The following SPPL3 variants were observed in gnomAD, a reference collection of about 807,000 sequenced individuals.
SPPL3 encodes signal peptide peptidase like 3.
Under a neutral mutation model 42.4 loss-of-function variants are expected in SPPL3, and 5 were observed. The ratio of observed to expected loss-of-function variants is 0.12; its 90% CI spans 0.06 to 0.25. The LOEUF is 0.25. Among genes scored for constraint, SPPL3 ranks in the 10% least tolerant of loss-of-function variants. The probability of loss-of-function intolerance (pLI) is 1.00; values close to 1 mark genes in which losing one functional copy is unlikely to be tolerated. For synonymous variants in SPPL3, 195 were observed against 181.8 expected (o/e 1.07, Z -0.58); for missense variants, 235 against 489.0 (o/e 0.48, Z 4.90).
At chr12:120,864,302 A>C (rs1055355364) in intron 1 of SPPL3, among the ~76,000 whole-genome samples, 1 of 152,214 alleles carries the variant, frequency 6.6e-6, no homozygotes, top group Non-Finnish European at 1.5e-5. Flanking sequence ...TGGGAGGCCG[A>C]GCTAGGTGGA....
Position 120,842,783 on chromosome 12 carries a change from G to A in SPPL3, c.24-31897C>T, listed in dbSNP as rs545312273. On this transcript the variant is annotated intron_variant, in intron 1 of 10. Coordinates refer to ENST00000353487, the MANE Select transcript of SPPL3 (RefSeq NM_139015.5). ...CCCCATCTCTTACACCACCACACTG[G>A]AGATTAGGTTTCAACATAGGAATTG... Among the ~76,000 whole-genome samples, 93 of 152,158 alleles carry A rather than the reference G, an allele frequency of 6.1e-4. 1 individual carries two copies. The highest frequency in any genetic ancestry group is 2.6e-4 in the Admixed American group (4 of 15,278).
chr12:120,764,069 T>A lies in SPPL3; in HGVS notation c.*930A>T, dbSNP rs899655369. 6.6e-6 allele frequency: 1 copy of A among 152,588 alleles called. No homozygotes were observed. Among genetic ancestry groups the A allele is most frequent in the Non-Finnish European group, 1.5e-5 (1 of 68,054 alleles). The allele number at this position is 152,588 out of a possible 1,614,324, so 9.5% of individuals were successfully genotyped here. A position where few individuals can be genotyped will look rare whatever the true frequency, so the allele number is the denominator to read the frequency against. ...AGGTTTGAACTCTTCATCCCTAATT[T>A]GCTACACTGATCAAAACCAAGTAAG... On this transcript the variant is annotated 3_prime_UTR_variant, in exon 11 of 11. Coordinates refer to ENST00000353487, the MANE Select transcript of SPPL3 (RefSeq NM_139015.5).
At chr12:120,881,744 C>G (rs908874202) in intron 1 of SPPL3, among the ~76,000 whole-genome samples, 3 of 150,426 alleles carry the variant, frequency 2.0e-5, no homozygotes, top group Non-Finnish European at 4.4e-5. Context: ...AATTCTGACA[C>G]ACGCTAAATA....
chr12:120,840,887 C>G (rs1265147852), intron 1 of SPPL3, among the ~76,000 whole-genome samples: 1 of 151,872 alleles, frequency 6.6e-6, no homozygotes, highest in African/African-American at 2.4e-5. Context: ...TTGCAGTGAG[C>G]CAAGATTGTG....
chr12:120,824,030 C>T (rs1871162366), intron 1 of SPPL3, among the ~76,000 whole-genome samples: 1 of 151,996 alleles, frequency 6.6e-6, no homozygotes. Flanking sequence ...GCCACCAAGC[C>T]CAGCTAATTT....
At chr12:120,774,276 CCTCT>C (rs1479362371) in intron 6 of SPPL3, among the ~76,000 whole-genome samples, 1 of 152,166 alleles carries the variant, frequency 6.6e-6, no homozygotes, top group Non-Finnish European at 1.5e-5. Context: ...TCCCTCCCTC[CCTCT>C]TACTCTTTCC....
chr12:120,881,668 GAACA>G (rs1873290067), intron 1 of SPPL3, among the ~76,000 whole-genome samples: 1 of 151,082 alleles, frequency 6.6e-6, no homozygotes, highest in Non-Finnish European at 1.5e-5. Flanking sequence ...ATCAACAAAT[GAACA>G]GATACACAAA....
In SPPL3 at chr12:120,769,063, G is replaced by T; in HGVS notation, c.503-4C>A. ...ACACAGAGGCCCATGGCCAGTGCTG[G>T]GGAGGAGACAGGGTACAGCAGACAG... On this transcript the variant is annotated splice_polypyrimidine_tract_variant and splice_region_variant and intron_variant, in intron 6 of 10. Transcript: ENST00000353487. 1 of 1,601,432 alleles carries T rather than the reference G, an allele frequency of 6.2e-7. No homozygotes were observed. The highest frequency in any genetic ancestry group is 1.1e-5 in the South Asian group (1 of 88,234).
intron 1 of SPPL3, among the ~76,000 whole-genome samples, chr12:120,821,225 A>G (rs1871057487): frequency 6.6e-6 from 1 of 152,242 alleles, no homozygotes; most frequent in South Asian, 2.1e-4. Context: ...TGAAACAGAA[A>G]GAAGACCCCA....
At chr12:120,876,450 A>C (rs904389967) in intron 1 of SPPL3, among the ~76,000 whole-genome samples, 2 of 149,344 alleles carry the variant, frequency 1.3e-5, no homozygotes, top group African/African-American at 4.9e-5. Flanking sequence ...CGTCTCTACT[A>C]AAAAAAAATA....
At chr12:120,899,841 G>A (rs1046213662) in intron 1 of SPPL3, among the ~76,000 whole-genome samples, 5 of 138,356 alleles carry the variant, frequency 3.6e-5, no homozygotes, top group South Asian at 2.2e-4. Context: ...TGCTGTGAGC[G>A]GAGATCATGC....
intron 2 of SPPL3, among the ~76,000 whole-genome samples, chr12:120,809,084 G>A (rs1220277012): frequency 6.6e-6 from 1 of 152,178 alleles, no homozygotes; most frequent in Non-Finnish European, 1.5e-5. Flanking sequence ...AGTGGCTCAC[G>A]CCTGTAATCC....
At chr12:120,776,497 C>T (rs561861112) in intron 6 of SPPL3, among the ~76,000 whole-genome samples, 6 of 152,138 alleles carry the variant, frequency 3.9e-5, no homozygotes, top group African/African-American at 1.2e-4. Flanking sequence ...AGAAGTACAA[C>T]GAATAAAATT....
chr12:120,891,193 A>G (rs115857639), intron 1 of SPPL3, among the ~76,000 whole-genome samples: 1 of 152,182 alleles, frequency 6.6e-6, no homozygotes, highest in African/African-American at 2.4e-5. Context: ...ACATCTGCCC[A>G]TGGTTTTATA....
chr12:120,784,428 T>A, intron 4 of SPPL3, 46 bp downstream of exon 4: 3 of 1,505,320 alleles, frequency 2.0e-6, no homozygotes, highest in African/African-American at 1.4e-5. Context: ...AGGTGAAAAA[T>A]TTTCCTTTTA....
rs187226412 is a variant in SPPL3 at position 120,871,008 on chromosome 12, T to C, written c.23+32837A>G. Among the ~76,000 whole-genome samples the C allele has an allele frequency of 1.7e-3, 259 of 151,374 alleles. 1 individual carries two copies. Among genetic ancestry groups the C allele is most frequent in the African/African-American group, 6.1e-3 (251 of 41,260 alleles). ...AGCCGGGCATGGCGCCAGGCACCTATAGTCCCAGTTATTCGGGAGGCTGAG... is the reference window on the plus strand; with the variant it reads ...AGCCGGGCATGGCGCCAGGCACCTACAGTCCCAGTTATTCGGGAGGCTGAG... On this transcript the variant is annotated intron_variant, in intron 1 of 10. Transcript: ENST00000353487.
chr12:120,811,902 A>G (rs1870693638), intron 1 of SPPL3, among the ~76,000 whole-genome samples: 2 of 152,150 alleles, frequency 1.3e-5, no homozygotes, highest in Non-Finnish European at 2.9e-5. Context: ...TACAAAAGAG[A>G]GAAAGAGAAG....
chr12:120,782,206 T>G (rs1478303134), intron 6 of SPPL3, among the ~76,000 whole-genome samples: 1 of 152,176 alleles, frequency 6.6e-6, no homozygotes, highest in Non-Finnish European at 1.5e-5. Context: ...GCACAAAAAC[T>G]TGTACATTAA....
chr12:120,874,413 A>C (rs56272923), intron 1 of SPPL3, among the ~76,000 whole-genome samples: 1,646 of 147,798 alleles, frequency 0.011, 9 homozygotes, highest in Non-Finnish European at 0.017. Flanking sequence ...AGATTGCGCC[A>C]CTGCACTCCA....
Sources: allele counts gnomAD v4.1 joint callset (sites outside exome capture counted in the v4.1 genomes callset), GRCh38; gene constraint gnomAD v4.1.1; transcripts MANE v1.5; gene names NCBI Gene and HGNC (gene_info 2026-07-23, HGNC 2026-07-21).